Variants in DIP2C observed in about 807,000 individuals in gnomAD.
DIP2C encodes DIP2 acetate--CoA ligase C (putative).
In DIP2C, 33 loss-of-function variants were observed where a neutral mutation model predicts 192.4. That is an observed-to-expected ratio of 0.17 (90% confidence interval 0.13 to 0.23). The LOEUF (loss-of-function observed/expected upper bound fraction) is 0.23. Ranked by LOEUF, DIP2C falls within the 10% of genes least tolerant of loss-of-function variation. DIP2C has a pLI of 1.00. For missense variants in DIP2C, 1,537 were observed against 2,110.1 expected (o/e 0.73, Z 5.32); for synonymous variants, 979 against 864.1 (o/e 1.13, Z -2.33).
At chr10:316,300 A>G (rs1201677231) in intron 31 of DIP2C, among the ~76,000 whole-genome samples, 1 of 152,230 alleles carries the variant, frequency 6.6e-6, no homozygotes, top group Admixed American at 6.5e-5. Context: ...TACCCCCAGA[A>G]AAGAATTTAC....
chr10:505,233 CAG>C (rs1212533185), intron 1 of DIP2C, among the ~76,000 whole-genome samples: 4 of 152,208 alleles, frequency 2.6e-5, no homozygotes, highest in East Asian at 1.9e-4. Flanking sequence ...CTCATCAACA[CAG>C]AGTCACTAAC....
chr10:375,213 C>G (rs1961423494), intron 17 of DIP2C, among the ~76,000 whole-genome samples: 1 of 152,224 alleles, frequency 6.6e-6, no homozygotes, highest in Non-Finnish European at 1.5e-5. Context: ...CACGAGAGTT[C>G]TCACTTTATG....
intron 1 of DIP2C, among the ~76,000 whole-genome samples, chr10:529,936 T>C (rs1588397820): frequency 6.6e-6 from 1 of 152,250 alleles, no homozygotes; most frequent in African/African-American, 2.4e-5. Flanking sequence ...AAGTTTCATT[T>C]CTTTGCTAAC....
chr10:580,612 A>G (rs991168465), intron 1 of DIP2C, among the ~76,000 whole-genome samples: 3 of 152,248 alleles, frequency 2.0e-5, no homozygotes, highest in Non-Finnish European at 2.9e-5. Flanking sequence ...TACATGTACA[A>G]TGGCAATACA....
intron 1 of DIP2C, among the ~76,000 whole-genome samples, chr10:492,884 G>C: frequency 6.6e-6 from 1 of 152,200 alleles, no homozygotes; most frequent in East Asian, 1.9e-4. Flanking sequence ...AAGATCAACA[G>C]AAGTTCACAC....
chr10:324,821 C>T (rs1379943874), intron 31 of DIP2C: 2 of 453,808 alleles, frequency 4.4e-6, no homozygotes, highest in Non-Finnish European at 9.2e-6. Flanking sequence ...TGGCACGCTT[C>T]AGAAGCCTTG....
At chr10:560,879 C>A (rs954737332) in intron 1 of DIP2C, among the ~76,000 whole-genome samples, 2 of 152,112 alleles carry the variant, frequency 1.3e-5, no homozygotes, top group African/African-American at 2.4e-5. Flanking sequence ...CTTAGCCTGA[C>A]GGGAAACATT....
intron 1 of DIP2C, among the ~76,000 whole-genome samples, chr10:540,470 A>C (rs1319824866): frequency 6.6e-6 from 1 of 152,194 alleles, no homozygotes; most frequent in East Asian, 1.9e-4. Flanking sequence ...CACTTCCTCA[A>C]ATCTCAAGAC....
At position 485,093 on chromosome 10, in the gene DIP2C, G is replaced by A. The variant is rs926908257; in HGVS notation, c.157+1366C>T. On this transcript the variant is annotated intron_variant, in intron 2 of 36. Transcript: ENST00000280886. ...CAGGGCACGACCGCCCTCTGCGCCC[G>A]GCTAAGGCCAGGGCCACCGCGGGAG... The A allele has an allele frequency of 7.4e-5, 82 of 1,106,384 alleles. 1 individual carries two copies. The South Asian group carries it at 8.7e-4, about 12-fold the overall frequency. The allele number at this position is 1,106,384 out of a possible 1,614,324, so 68.5% of individuals were successfully genotyped here.
intron 1 of DIP2C, among the ~76,000 whole-genome samples, chr10:586,274 T>C (rs144986066): frequency 7.9e-5 from 12 of 152,342 alleles, no homozygotes; most frequent in Non-Finnish European, 1.8e-4. Context: ...ACAGCCTGAA[T>C]GTCCTTTCAG....
intron 1 of DIP2C, chr10:650,560 G>A (rs1564305324): frequency 7.8e-6 from 5 of 642,844 alleles, no homozygotes. Context: ...AGAATGGGAT[G>A]CAGAGCCAGG....
At chr10:416,449 C>G (rs1478458592) in intron 6 of DIP2C, among the ~76,000 whole-genome samples, 1 of 152,158 alleles carries the variant, frequency 6.6e-6, no homozygotes, top group African/African-American at 2.4e-5. Context: ...CCTGTCCACT[C>G]CTAATAAAGA....
At chr10:504,176 T>C (rs1370688967) in intron 1 of DIP2C, among the ~76,000 whole-genome samples, 1 of 152,194 alleles carries the variant, frequency 6.6e-6, no homozygotes, top group African/African-American at 2.4e-5. Context: ...TATCCCCATC[T>C]CCTTGGGCTG....
In DIP2C at chr10:579,559, G is replaced by A. The variant is rs1044802049; in HGVS notation, c.86-93029C>T. ...AGATCCATAAAGTGTACATACATAGGTACACTATAACACATGCGTACATGC... is the reference window on the plus strand; with the variant it reads ...AGATCCATAAAGTGTACATACATAGATACACTATAACACATGCGTACATGC... On this transcript the variant is annotated intron_variant, in intron 1 of 36. Transcript: ENST00000280886. Among the ~76,000 whole-genome samples the A allele has an allele frequency of 5.3e-5, 8 of 151,708 alleles. No individual in the cohort carries two copies. In the South Asian group the frequency reaches 8.3e-4, roughly 16 times the overall value.
intron 24 of DIP2C, among the ~76,000 whole-genome samples, chr10:355,245 C>A (rs541352585): frequency 6.6e-6 from 1 of 152,296 alleles, no homozygotes; most frequent in Non-Finnish European, 1.5e-5. Context: ...CAGTGAACGA[C>A]CAATGGCTGG....
intron 24 of DIP2C, among the ~76,000 whole-genome samples, chr10:353,093 G>C (rs1409942152): frequency 6.6e-6 from 1 of 152,064 alleles, no homozygotes; most frequent in Non-Finnish European, 1.5e-5. Flanking sequence ...GAAGGTTCTA[G>C]GTAAAACCAT....
At chr10:590,093 C>T (rs1053713264) in intron 1 of DIP2C, among the ~76,000 whole-genome samples, 3 of 152,210 alleles carry the variant, frequency 2.0e-5, no homozygotes, top group Non-Finnish European at 2.9e-5. Context: ...TTCCTCTAAA[C>T]GGGAGGTCCC....
At chr10:490,161 G>A (rs534238464) in intron 1 of DIP2C, among the ~76,000 whole-genome samples, 81 of 138,370 alleles carry the variant, frequency 5.9e-4, no homozygotes, top group Middle Eastern at 3.7e-3. Context: ...GACAGTGCCC[G>A]AGCCTTCCTC....
At chr10:579,309 G>A (rs533221246) in intron 1 of DIP2C, among the ~76,000 whole-genome samples, 2 of 151,638 alleles carry the variant, frequency 1.3e-5, no homozygotes, top group East Asian at 2.0e-4. Context: ...ACACACATAG[G>A]TACACTATAA....
Sources: gnomAD v4.1 joint callset for allele counts (sites outside exome capture counted in the v4.1 genomes callset) on GRCh38, gnomAD v4.1.1 for gene constraint, MANE v1.5 for transcripts, NCBI Gene and HGNC (gene_info 2026-07-23, HGNC 2026-07-21) for gene names.